HYKK: variants seen among roughly 807,000 people sequenced by gnomAD.
The protein encoded by HYKK is 5-hydroxy-L-lysine kinase.
HYKK carries 19 observed loss-of-function variants against 29.7 expected under a neutral mutation model. That is an observed-to-expected ratio of 0.64 (90% confidence interval 0.45 to 0.94). The LOEUF (loss-of-function observed/expected upper bound fraction) is 0.94. Ranked by LOEUF, HYKK falls within the 40% of genes least tolerant of loss-of-function variation. The probability of loss-of-function intolerance (pLI) is 0.00; values close to 1 mark genes in which losing one functional copy is unlikely to be tolerated. For synonymous variants in HYKK, 152 were observed against 158.1 expected (o/e 0.96, Z 0.29); for missense variants, 390 against 443.4 (o/e 0.88, Z 1.08).
chr15:78,518,008 T>C (rs1400962447), intron 3 of HYKK, among the ~76,000 whole-genome samples: 1 of 152,180 alleles, frequency 6.6e-6, no homozygotes, highest in Non-Finnish European at 1.5e-5. Context: ...AAGTGCTTTC[T>C]CTCTGCAGCT....
At chr15:78,520,551 G>C (rs973769376) in intron 3 of HYKK, among the ~76,000 whole-genome samples, 8 of 152,248 alleles carry the variant, frequency 5.3e-5, no homozygotes, top group African/African-American at 1.9e-4. Context: ...GCACAGGGTT[G>C]GGGGTAAGGT....
chr15:78,525,444 CCA>C (rs2052241860), intron 3 of HYKK, among the ~76,000 whole-genome samples: 1 of 151,980 alleles, frequency 6.6e-6, no homozygotes, highest in Non-Finnish European at 1.5e-5. Context: ...GCGTGAGCCA[CCA>C]TGCCCAGCCT....
chr15:78,520,928 ACCTC>A (rs2052188594), intron 3 of HYKK, among the ~76,000 whole-genome samples: 1 of 140,682 alleles, frequency 7.1e-6, no homozygotes, highest in African/African-American at 2.7e-5. Flanking sequence ...TGACCCCCCC[ACCTC>A]CCTCCCGGAC....
downstream of HYKK, chr15:78,537,354 C>T: frequency 1.6e-6 from 1 of 637,314 alleles, no homozygotes; most frequent in Non-Finnish European, 2.9e-6. Context: ...GTTGAATAAA[C>T]TGTAAGAATG....
At chr15:78,515,651 C>T (rs1266310296) in intron 3 of HYKK, among the ~76,000 whole-genome samples, 2 of 150,902 alleles carry the variant, frequency 1.3e-5, no homozygotes. Flanking sequence ...TGCAGTGGCA[C>T]GATCTTGGCT....
intron 3 of HYKK, among the ~76,000 whole-genome samples, chr15:78,519,914 T>C (rs950979523): frequency 6.6e-6 from 1 of 152,252 alleles, no homozygotes; most frequent in African/African-American, 2.4e-5. Context: ...CCTTCCGCCC[T>C]ATCTGTGGGC....
intron 3 of HYKK, among the ~76,000 whole-genome samples, chr15:78,521,254 AT>A (rs1286933757): frequency 2.0e-5 from 3 of 151,958 alleles, no homozygotes; most frequent in African/African-American, 4.8e-5. Flanking sequence ...TAGTACTGGA[AT>A]TTGGTTGCCA....
At chr15:78,512,400 C>CTTTTTTTTTTTTTTTTT (rs902963099) in intron 1 of HYKK, among the ~76,000 whole-genome samples, 8 of 125,660 alleles carry the variant, frequency 6.4e-5, no homozygotes, top group South Asian at 2.5e-4. Context: ...TTTTCTTTTT[C>CTTTTTTTTTTTTTTTTT]TTTTTTTTTT....
Position 78,511,895 on chromosome 15 carries a change from A to G in HYKK, c.-5-1189A>G, listed in dbSNP as rs538801647. 7.9e-5 allele frequency among the ~76,000 whole-genome samples: 12 copies of G among 152,192 alleles called. No individual in the cohort carries two copies. In the East Asian group the frequency reaches 2.3e-3, roughly 29 times the overall value. On this transcript the variant is annotated intron_variant, in intron 1 of 4. Coordinates refer to ENST00000388988, the MANE Select transcript of HYKK (RefSeq NM_001013619.4). ...TCTTTAAAGATAAAAATTCAAATCT[A>G]TCTTCTCAAGAATGTCTTCCCTTAG...
chr15:78,534,245 C>CTTTTTTTT lies in HYKK; in HGVS notation c.*590_*597dup, dbSNP rs34543309. ...ACTTATTTTTGTCTCCTCAGCCCTT[C>CTTTTTTTT]TTTTTTTTTTTTTTTTTTTTTTGAG... is the stretch of plus-strand genomic sequence containing the variant. On this transcript the variant is annotated 3_prime_UTR_variant, in exon 5 of 5. Coordinates refer to ENST00000388988, the MANE Select transcript of HYKK (RefSeq NM_001013619.4). 1.9e-5 allele frequency: 2 copies of CTTTTTTTT among 105,592 alleles called. No homozygotes were observed. The highest frequency in any genetic ancestry group is 1.9e-5 in the Non-Finnish European group (1 of 52,852). 6.5% of individuals were successfully genotyped at this position (105,592 alleles called of 1,614,324 possible). A position where few individuals can be genotyped will look rare whatever the true frequency, so the allele number is the denominator to read the frequency against.
In HYKK at chr15:78,536,416, G is replaced by A. The variant is rs1373708986; in HGVS notation, c.*2746G>A. ...ATGTTTCTGAAATTTAAGGGACTGTGGTTTTTATCTAGGTTGACCTCTCAA... is the reference window on the plus strand; with the variant it reads ...ATGTTTCTGAAATTTAAGGGACTGTAGTTTTTATCTAGGTTGACCTCTCAA... On this transcript the variant is annotated 3_prime_UTR_variant, in exon 5 of 5. Coordinates refer to ENST00000388988, the MANE Select transcript of HYKK (RefSeq NM_001013619.4). 1 of 152,054 alleles carries A rather than the reference G, an allele frequency of 6.6e-6. No individual in the cohort carries two copies. Among genetic ancestry groups the A allele is most frequent in the Non-Finnish European group, 1.5e-5 (1 of 68,020 alleles). 9.4% of individuals were successfully genotyped at this position (152,054 alleles called of 1,614,324 possible).
rs189973621 is a variant in HYKK at position 78,533,851 on chromosome 15, A to G, written c.*181A>G. 1.7e-6 allele frequency: 1 copy of G among 583,898 alleles called. No homozygotes were observed. The highest frequency in any genetic ancestry group is 2.8e-5 in the East Asian group (1 of 35,424). The allele number at this position is 583,898 out of a possible 1,614,324, so 36.2% of individuals were successfully genotyped here. ...TCAAGCAATCTCGTGACAATTTTTT[A>G]AAATTCACAAAAGTACCACAAGCAA... is the stretch of plus-strand genomic sequence containing the variant. On this transcript the variant is annotated 3_prime_UTR_variant, in exon 5 of 5. Coordinates refer to ENST00000388988, the MANE Select transcript of HYKK (RefSeq NM_001013619.4).
chr15:78,537,368 A>G, downstream of HYKK: 1 of 606,084 alleles, frequency 1.6e-6, no homozygotes, highest in Non-Finnish European at 3.1e-6. Flanking sequence ...AAGAATGAAC[A>G]CACCACTACA....
rs560005795 is a variant in HYKK at position 78,535,134 on chromosome 15, T to C, written c.*1464T>C. The C allele has an allele frequency of 2.6e-5, 4 of 152,330 alleles. No individual in the cohort carries two copies. In the South Asian group the frequency reaches 8.3e-4, roughly 32 times the overall value. 9.4% of individuals were successfully genotyped at this position (152,330 alleles called of 1,614,324 possible). On this transcript the variant is annotated 3_prime_UTR_variant, in exon 5 of 5. Coordinates refer to ENST00000388988, the MANE Select transcript of HYKK (RefSeq NM_001013619.4). The stretch of plus-strand genomic sequence containing the variant: ...TTCAAATACTCAATAGTTATCTTTC[T>C]ATATATATGAACAGGCATTGATCCT...
intron 3 of HYKK, among the ~76,000 whole-genome samples, chr15:78,519,200 C>G (rs1389454432): frequency 2.6e-5 from 4 of 152,148 alleles, no homozygotes; most frequent in African/African-American, 9.7e-5. Flanking sequence ...ACCCACAGAC[C>G]TTTTTCTATA....
rs1490970926 is a variant in HYKK, at chr15:78,534,208, A to G, written c.*538A>G. ...CTTGCCTGAGAGCTACTGAGGGCGG[A>G]GACCATGTAAAACTTATTTTTGTCT... On this transcript the variant is annotated 3_prime_UTR_variant, in exon 5 of 5. Transcript: ENST00000388988. 2 of 149,002 alleles carry G rather than the reference A, an allele frequency of 1.3e-5. No individual in the cohort carries two copies. The highest frequency in any genetic ancestry group is 2.5e-5 in the African/African-American group (1 of 40,640). The allele number at this position is 149,002 out of a possible 1,614,324, so 9.2% of individuals were successfully genotyped here.
intron 4 of HYKK, among the ~76,000 whole-genome samples, chr15:78,530,212 T>A (rs2052297733): frequency 6.6e-6 from 1 of 150,512 alleles, no homozygotes; most frequent in South Asian, 2.1e-4. Context: ...TTTTTTTTTT[T>A]TTTTTTGAGC....
At chr15:78,511,406 C>T (rs532010710) in intron 1 of HYKK, among the ~76,000 whole-genome samples, 33 of 152,126 alleles carry the variant, frequency 2.2e-4, no homozygotes, top group Admixed American at 1.0e-3. Flanking sequence ...TCTCCTCCCC[C>T]GCCCATGTAT....
At chr15:78,507,817 C>T (rs2052028847) in intron 1 of HYKK, 146 bp downstream of exon 1, 1 of 152,560 alleles carries the variant, frequency 6.6e-6, no homozygotes, top group African/African-American at 2.4e-5. Context: ...ATCCTCAGCT[C>T]GCTGCGTGCG....
Sources: allele counts gnomAD v4.1 joint callset (sites outside exome capture counted in the v4.1 genomes callset), GRCh38; gene constraint gnomAD v4.1.1; transcripts MANE v1.5; gene names NCBI Gene and HGNC (gene_info 2026-07-23, HGNC 2026-07-21).